The following MAPT variants were observed in gnomAD, a reference collection of about 807,000 sequenced individuals.
The protein encoded by MAPT is microtubule-associated protein tau.
In MAPT, 34 loss-of-function variants were observed where a neutral mutation model predicts 67.9. That is an observed-to-expected ratio of 0.50 (90% CI 0.38 to 0.67). The LOEUF is 0.67. MAPT is among the 30% of genes least tolerant of loss of function. The pLI is 0.00. For synonymous variants in MAPT, 456 were observed against 464.5 expected, an observed-to-expected ratio of 0.98 and a Z score of 0.23; for missense variants, 881 against 1,115.2, an observed-to-expected ratio of 0.79 and a Z score of 2.99.
chr17:45,943,878 G>A (rs576008213), intron 1 of MAPT, among the ~76,000 whole-genome samples: 5 of 152,242 alleles, frequency 3.3e-5, no homozygotes, highest in South Asian at 2.1e-4. Flanking sequence ...AGACCTTCCC[G>A]GAAGTTGCCC....
intron 1 of MAPT, among the ~76,000 whole-genome samples, chr17:45,938,486 ATCTC>A (rs1217924843): frequency 6.6e-6 from 1 of 152,126 alleles, no homozygotes; most frequent in Non-Finnish European, 1.5e-5. Flanking sequence ...ATCTGGGATG[ATCTC>A]TCTATTTTAG....
chr17:46,004,914 G>A (rs2075302765), intron 9 of MAPT, among the ~76,000 whole-genome samples: 3 of 152,116 alleles, frequency 2.0e-5, no homozygotes, highest in Admixed American at 2.0e-4. Flanking sequence ...CTCCCAAGTA[G>A]CTGGGACTGC....
intron 10 of MAPT, among the ~76,000 whole-genome samples, chr17:46,013,974 TTCTG>T (rs2075992985): frequency 6.6e-6 from 1 of 152,192 alleles, no homozygotes; most frequent in Non-Finnish European, 1.5e-5. Context: ...GGCTCTTTTG[TTCTG>T]CAGGGATTGA....
Position 45,983,881 on chromosome 17 carries a change from T to C in MAPT, c.1302T>C (p.Pro434=), listed in dbSNP as rs764189941. Residue 434 remains proline (P), a synonymous_variant, in exon 5 of 13, where the codon CCT becomes CCC. Coordinates refer to ENST00000262410, the MANE Select transcript of MAPT (RefSeq NM_001377265.1). ...ADLPEPSEKQ[P]AAAPRGKPVS... is the part of the protein sequence containing the mutation. ...TTCCAGAGCCCTCTGAAAAGCAGCC[T>C]GCTGCTGCTCCGCGGGGGAAGCCCG... 9 of 1,595,126 alleles carry C rather than the reference T, an allele frequency of 5.6e-6. No homozygotes were observed. Among genetic ancestry groups the C allele is most frequent in the Non-Finnish European group, 7.7e-6 (9 of 1,173,124 alleles).
chr17:45,919,349 C>T (rs1031062545), intron 1 of MAPT, among the ~76,000 whole-genome samples: 10 of 146,844 alleles, frequency 6.8e-5, no homozygotes, highest in Non-Finnish European at 7.8e-5. Flanking sequence ...GAGGAAGGGG[C>T]GCCCCCCCCG....
intron 1 of MAPT, among the ~76,000 whole-genome samples, chr17:45,937,380 G>C (rs1463072275): frequency 1.3e-5 from 2 of 152,086 alleles, no homozygotes; most frequent in Non-Finnish European, 2.9e-5. Context: ...TTGAGGTCAG[G>C]AGTTTGAGAC....
At chr17:45,942,252 A>T (rs1399458367) in intron 1 of MAPT, among the ~76,000 whole-genome samples, 5 of 152,164 alleles carry the variant, frequency 3.3e-5, no homozygotes, top group African/African-American at 1.2e-4. Context: ...GAACATGCAC[A>T]TTTCTGCAAC....
chr17:46,005,033 C>T (rs1286254118), intron 9 of MAPT, among the ~76,000 whole-genome samples: 1 of 152,202 alleles, frequency 6.6e-6, no homozygotes, highest in East Asian at 1.9e-4. Context: ...ATCTGCCTGC[C>T]TCGGCCTCCC....
chr17:45,986,036 A>G (rs1258275200), intron 5 of MAPT, among the ~76,000 whole-genome samples: 1 of 152,230 alleles, frequency 6.6e-6, no homozygotes, highest in African/African-American at 2.4e-5. Flanking sequence ...TGTCAAGAGA[A>G]GGAGAAGGGT....
At chr17:46,023,552 G>A (rs1225094056) in intron 12 of MAPT, among the ~76,000 whole-genome samples, 1 of 152,226 alleles carries the variant, frequency 6.6e-6, no homozygotes, top group African/African-American at 2.4e-5. Flanking sequence ...AAAAACAACA[G>A]CTCCTGGCCA....
intron 8 of MAPT, chr17:45,993,984 G>C (rs765556036): frequency 1.3e-6 from 2 of 1,565,904 alleles, no homozygotes; most frequent in Admixed American, 3.7e-5. Flanking sequence ...AGAGGTACTC[G>C]GGAGCCTACT....
intron 8 of MAPT, among the ~76,000 whole-genome samples, chr17:45,991,825 T>C (rs1450324399): frequency 6.6e-6 from 1 of 151,750 alleles, no homozygotes; most frequent in Non-Finnish European, 1.5e-5. Flanking sequence ...GCTTTTGTTA[T>C]CCAGGCCGGA....
rs79841981 is a variant in MAPT at position 46,001,676 on chromosome 17, A to G, written c.1998+5012A>G. On this transcript the variant is annotated intron_variant, in intron 9 of 12. Coordinates refer to ENST00000262410, the MANE Select transcript of MAPT (RefSeq NM_001377265.1). ...AGACTGAGACTCTATTAAAAAAAAA[A>G]TGCTGGTTCCTTCCTTATTTCATTC... Among the ~76,000 whole-genome samples the G allele has an allele frequency of 3.3e-5, 5 of 152,166 alleles. No individual in the cohort carries two copies. The South Asian group carries it at 6.2e-4, about 19-fold the overall frequency.
intron 4 of MAPT, chr17:45,980,156 C>A (rs2072794445): frequency 6.6e-6 from 1 of 152,160 alleles, no homozygotes; most frequent in East Asian, 1.9e-4. Context: ...AGAATTGCTA[C>A]ATTTAGTATT....
intron 1 of MAPT, among the ~76,000 whole-genome samples, chr17:45,907,095 G>A (rs1007403487): frequency 6.6e-6 from 1 of 152,040 alleles, no homozygotes; most frequent in Non-Finnish European, 1.5e-5. Flanking sequence ...CATGGGCATC[G>A]CCTGCTAAGC....
chr17:45,983,184 A>C lies in MAPT; in HGVS notation c.605A>C (p.Glu202Ala). 1.2e-6 allele frequency: 2 copies of C among 1,608,766 alleles called. No homozygotes were observed. The highest frequency in any genetic ancestry group is 1.7e-6 in the Non-Finnish European group (2 of 1,177,932). Residue 202 changes from glutamate (E) to alanine (A), a missense_variant, in exon 5 of 13, where the codon GAA becomes GCA. Around this residue, in one of 6 missense-constraint regions of MAPT, gnomAD observed 687 missense variants for 766.1 expected, o/e 0.90. Coordinates refer to ENST00000262410, the MANE Select transcript of MAPT (RefSeq NM_001377265.1). ...ACTGCGTATCTCCACACAGAGCCTG[A>C]AAGTGGTAAGGTGGTCCAGGAAGGC... ...ATTAYLHTEPESGKVVQEGFL... is the reference protein window; with the variant it reads ...ATTAYLHTEPASGKVVQEGFL...
intron 12 of MAPT, among the ~76,000 whole-genome samples, chr17:46,019,501 G>C (rs1264240225): frequency 1.3e-5 from 2 of 152,092 alleles, no homozygotes; most frequent in East Asian, 3.9e-4. Flanking sequence ...CAGGTAGCTG[G>C]AACTACAGGT....
intron 1 of MAPT, among the ~76,000 whole-genome samples, chr17:45,918,073 C>T (rs2065365610): frequency 6.6e-6 from 1 of 152,210 alleles, no homozygotes; most frequent in African/African-American, 2.4e-5. Context: ...CATGCCCAGC[C>T]AGCATCTTTC....
intron 1 of MAPT, among the ~76,000 whole-genome samples, chr17:45,903,936 T>TA (rs1302510206): frequency 3.8e-4 from 8 of 20,954 alleles, no homozygotes; most frequent in African/African-American, 1.4e-3. Context: ...TATTATATAT[T>TA]TATATATAAT....
Sources: allele counts gnomAD v4.1 joint callset (sites outside exome capture counted in the v4.1 genomes callset), GRCh38; gene constraint gnomAD v4.1.1; regional missense constraint gnomAD v4.1.1; transcripts MANE v1.5; gene names NCBI Gene and HGNC (gene_info 2026-07-23, HGNC 2026-07-21).